ENOX2: variants seen among roughly 807,000 people sequenced by gnomAD.
The protein encoded by ENOX2 is APK1 antigen.
In ENOX2, 36 loss-of-function variants were observed where a neutral mutation model predicts 45.0. The observed-to-expected ratio is 0.80, with a 90% CI of 0.61 to 1.06. The LOEUF (loss-of-function observed/expected upper bound fraction) is 1.06. ENOX2 is among the 50% of genes least tolerant of loss of function. The pLI is 0.00. For missense variants in ENOX2, 423 were observed against 462.5 expected (o/e 0.91, Z 0.78); for synonymous variants, 174 against 152.3 (o/e 1.14, Z -1.05).
At chrX:130,764,223 G>A (rs1188285947) in intron 3 of ENOX2, among the ~76,000 whole-genome samples, 1 of 110,936 alleles carries the variant, frequency 9.0e-6, no homozygotes, top group Non-Finnish European at 1.9e-5. Flanking sequence ...GTTTTTAGTT[G>A]TACTTAGTGG....
chrX:130,705,566 G>C (rs2038015131), intron 3 of ENOX2, among the ~76,000 whole-genome samples: 1 of 112,261 alleles, frequency 8.9e-6, no homozygotes, highest in Non-Finnish European at 1.9e-5. Flanking sequence ...CAATGAAAGT[G>C]GTTCTTAAAT....
chrX:130,704,137 C>T (rs887360576), intron 3 of ENOX2, among the ~76,000 whole-genome samples: 1 of 111,929 alleles, frequency 8.9e-6, no homozygotes, highest in South Asian at 3.8e-4. Context: ...TAATTTTTAG[C>T]CACTATGCTT....
chrX:130,809,043 G>A (rs1452965141), intron 2 of ENOX2, among the ~76,000 whole-genome samples: 2 of 112,174 alleles, frequency 1.8e-5, no homozygotes, highest in Non-Finnish European at 3.8e-5. Context: ...CCTCTGGCCT[G>A]GAAGTGAGTT....
intron 3 of ENOX2, among the ~76,000 whole-genome samples, chrX:130,765,404 AC>A (rs1183927315): frequency 9.0e-6 from 1 of 111,285 alleles, no homozygotes; most frequent in Non-Finnish European, 1.9e-5. Flanking sequence ...GTTTTATTAT[AC>A]CTATATGTAA....
At chrX:130,756,916 A>C (rs2039367915) in intron 3 of ENOX2, among the ~76,000 whole-genome samples, 1 of 112,323 alleles carries the variant, frequency 8.9e-6, no homozygotes, top group African/African-American at 3.2e-5. Flanking sequence ...AAAGATGAAA[A>C]CTGGAAGCAC....
chrX:130,643,702 C>T lies in ENOX2; in HGVS notation c.1130-6292G>A, dbSNP rs189900165. 4.0e-3 allele frequency among the ~76,000 whole-genome samples: 443 copies of T among 111,817 alleles called. 2 individuals are homozygous for T. The highest frequency in any genetic ancestry group is 0.014 in the African/African-American group (429 of 30,858). ...AGAATACACAAGTGAATAACTGATA[C>T]GACTGCAAGGAGAAATACATGAATC... On this transcript the variant is annotated intron_variant, in intron 10 of 14. Transcript: ENST00000394363.
chrX:130,850,940 G>A (rs754413210), intron 2 of ENOX2, among the ~76,000 whole-genome samples: 3 of 112,433 alleles, frequency 2.7e-5, no homozygotes, highest in Non-Finnish European at 5.6e-5. Context: ...CAGCCAGCAG[G>A]CACTTAAGTG....
chrX:130,683,901 C>T (rs1278972482), intron 5 of ENOX2, among the ~76,000 whole-genome samples: 1 of 111,904 alleles, frequency 8.9e-6, no homozygotes, highest in Non-Finnish European at 1.9e-5. Flanking sequence ...TGGTCTGCTC[C>T]AGTCTAGTTT....
chrX:130,691,694 T>C (rs1201631733), intron 4 of ENOX2, among the ~76,000 whole-genome samples: 2 of 112,674 alleles, frequency 1.8e-5, no homozygotes, highest in Non-Finnish European at 3.8e-5. Flanking sequence ...CCTCTTCTAC[T>C]GAAATGTTTG....
At chrX:130,889,589 G>T (rs1339309434) in intron 2 of ENOX2, among the ~76,000 whole-genome samples, 1 of 111,283 alleles carries the variant, frequency 9.0e-6, no homozygotes, top group Non-Finnish European at 1.9e-5. Flanking sequence ...AGAGGAGGAG[G>T]GAAACAGAGG....
intron 3 of ENOX2, among the ~76,000 whole-genome samples, chrX:130,739,010 C>T (rs2038921568): frequency 8.9e-6 from 1 of 112,568 alleles, no homozygotes; most frequent in Admixed American, 9.3e-5. Flanking sequence ...CCAAGTCTAA[C>T]ACCTGCTTTG....
At chrX:130,901,606 T>G (rs2079144608) in intron 2 of ENOX2, 78 bp downstream of exon 2, 1 of 112,111 alleles carries the variant, frequency 8.9e-6, no homozygotes, top group Non-Finnish European at 1.9e-5. Flanking sequence ...AGCTATAGAC[T>G]GTAGCTAAGA....
chrX:130,627,474 A>C (rs758681623), intron 14 of ENOX2, among the ~76,000 whole-genome samples: 4 of 110,741 alleles, frequency 3.6e-5, no homozygotes, highest in Non-Finnish European at 5.7e-5. Context: ...CCAGCTACTC[A>C]GGAGGCTGAG....
At chrX:130,646,732 A>T (rs1488965784) in intron 10 of ENOX2, among the ~76,000 whole-genome samples, 1 of 112,316 alleles carries the variant, frequency 8.9e-6, no homozygotes, top group African/African-American at 3.2e-5. Flanking sequence ...CCTTTGGAGT[A>T]GTGGGAAAAT....
At chrX:130,676,114 C>A (rs947458085) in intron 6 of ENOX2, among the ~76,000 whole-genome samples, 1 of 111,398 alleles carries the variant, frequency 9.0e-6, no homozygotes, top group Non-Finnish European at 1.9e-5. Context: ...ATGGGGCTAC[C>A]AATGATTACC....
intron 2 of ENOX2, among the ~76,000 whole-genome samples, chrX:130,785,847 G>A (rs543014619): frequency 1.8e-5 from 2 of 112,285 alleles, no homozygotes; most frequent in East Asian, 2.8e-4. Context: ...CCGACAGACC[G>A]GGATTCAAAT....
At chrX:130,884,437 T>C (rs1170290749) in intron 2 of ENOX2, among the ~76,000 whole-genome samples, 1 of 111,586 alleles carries the variant, frequency 9.0e-6, no homozygotes, top group Non-Finnish European at 1.9e-5. Context: ...GAGTTGTCTA[T>C]GGCGTGAACA....
intron 4 of ENOX2, among the ~76,000 whole-genome samples, chrX:130,701,795 A>T (rs751749858): frequency 4.1e-4 from 46 of 112,130 alleles, no homozygotes; most frequent in African/African-American, 1.2e-3. Context: ...AAACTTAAGG[A>T]GATCCATGGT....
At chrX:130,777,277 T>A in intron 3 of ENOX2, among the ~76,000 whole-genome samples, 1 of 110,106 alleles carries the variant, frequency 9.1e-6, no homozygotes, top group East Asian at 2.9e-4. Context: ...GGCGGGTGGA[T>A]CTTTTGAGCC....
Sources: gnomAD v4.1 joint callset for allele counts (sites outside exome capture counted in the v4.1 genomes callset) on GRCh38, gnomAD v4.1.1 for gene constraint, MANE v1.5 for transcripts, NCBI Gene and HGNC (gene_info 2026-07-23, HGNC 2026-07-21) for gene names.